The following ARF3 variants were observed in gnomAD, a reference collection of about 807,000 sequenced individuals.
The protein encoded by ARF3 is ARF GTPase 3.
In ARF3, 5 loss-of-function variants were observed where a neutral mutation model predicts 19.3. The observed-to-expected ratio is 0.26, with a 90% CI of 0.14 to 0.54. ARF3 has a LOEUF of 0.54. Among genes scored for constraint, ARF3 ranks in the 20% least tolerant of loss-of-function variants. The pLI, the probability that ARF3 is intolerant of heterozygous loss-of-function variation, is 0.95. For synonymous variants in ARF3, 71 were observed against 89.2 expected (o/e 0.80, Z 1.15); for missense variants, 77 against 234.2 (o/e 0.33, Z 4.38).
Position 48,938,668 on chromosome 12 carries a change from TGA to T in ARF3, c.*277_*278del, listed in dbSNP as rs35034955. 8.3e-4 allele frequency: 348 copies of T among 421,764 alleles called. 1 individual carries two copies. Among genetic ancestry groups the T allele is most frequent in the Non-Finnish European group, 1.2e-3 (267 of 221,868 alleles). 26.1% of individuals were successfully genotyped at this position (421,764 alleles called of 1,614,324 possible). ...ACTCGACCTCCCGAAACCCAGAGGG[TGA>T]GAGAGAGAGGGGCCACCCCATGAAA... is the stretch of plus-strand genomic sequence containing the variant. On this transcript the variant is annotated 3_prime_UTR_variant, in exon 5 of 5. Coordinates refer to ENST00000256682, the MANE Select transcript of ARF3 (RefSeq NM_001659.3).
At chr12:48,951,963 CAG>C (rs1565710681) in intron 1 of ARF3, among the ~76,000 whole-genome samples, 2 of 151,830 alleles carry the variant, frequency 1.3e-5, no homozygotes, top group East Asian at 1.9e-4. Flanking sequence ...AAGAAGCAAC[CAG>C]AGAGGCAGAA....
intron 1 of ARF3, among the ~76,000 whole-genome samples, chr12:48,949,613 G>A (rs1484138761): frequency 1.3e-5 from 2 of 152,042 alleles, no homozygotes; most frequent in Admixed American, 6.6e-5. Context: ...CATGATCATG[G>A]CTCACTGCAG....
At chr12:48,954,440 G>C (rs1384559523) in intron 1 of ARF3, among the ~76,000 whole-genome samples, 1 of 152,196 alleles carries the variant, frequency 6.6e-6, no homozygotes, top group African/African-American at 2.4e-5. Flanking sequence ...ATTATTAATA[G>C]CAGCTAACAG....
In ARF3 at chr12:48,939,820, AC is replaced by A. The variant is rs1940219164; in HGVS notation, c.260-42del. On this transcript the variant is annotated intron_variant, in intron 3 of 4. Coordinates refer to ENST00000256682, the MANE Select transcript of ARF3 (RefSeq NM_001659.3). The surrounding 1 kb of genome is among the most constrained non-coding windows in gnomAD (Gnocchi z 4.8). ...ATGGGCTGCACTAAGATGACAGGTA[AC>A]CCCCTCCCCCCAACCAAAAGACCAC... The A allele has an allele frequency of 6.2e-7, 1 of 1,611,564 alleles. No homozygotes were observed. The highest frequency in any genetic ancestry group is 8.5e-7 in the Non-Finnish European group (1 of 1,178,354).
rs772434603 is a variant in ARF3 at position 48,939,750 on chromosome 12, G to A, written c.289C>T (p.Arg97Trp). The A allele has an allele frequency of 1.2e-6, 2 of 1,614,118 alleles. No homozygotes were observed. The highest frequency in any genetic ancestry group is 8.5e-7 in the Non-Finnish European group (1 of 1,180,026). ...GLIFVVDSND[R>W]ERVNEAREEL... is the part of the protein sequence containing the mutation. ...TCCCGGGCCTCATTTACTCGCTCCCGATCATTGCTGTCGACCACAAATATC... is the reference window on the plus strand; with the variant it reads ...TCCCGGGCCTCATTTACTCGCTCCCAATCATTGCTGTCGACCACAAATATC... The change falls in exon 4 of 5, where the codon CGG (arginine) becomes TGG (tryptophan). Residue 97 changes from arginine (R) to tryptophan (W), a missense_variant. Coordinates refer to ENST00000256682, the MANE Select transcript of ARF3 (RefSeq NM_001659.3). This position sits in a 1 kb window ranked among gnomAD's most constrained non-coding sequence, Gnocchi z 4.8.
At chr12:48,941,338 T>G (rs1940253398) in intron 1 of ARF3, 150 bp from the exon 2 acceptor site, 1 of 430,592 alleles carries the variant, frequency 2.3e-6, no homozygotes, top group South Asian at 3.8e-5. Flanking sequence ...AGATACATAC[T>G]GAGTCTTTGG....
rs973934865 is a variant in ARF3, at chr12:48,938,369, G to A, written c.*578C>T. The A allele has an allele frequency of 1.3e-4, 57 of 454,202 alleles. No homozygotes were observed. Among genetic ancestry groups the A allele is most frequent in the East Asian group, 4.9e-4 (7 of 14,394 alleles). The allele number at this position is 454,202 out of a possible 1,614,324, so 28.1% of individuals were successfully genotyped here. A position where few individuals can be genotyped will look rare whatever the true frequency, so the allele number is the denominator to read the frequency against. ...TCTCACCAACACGGAAGGGGCAGATGACAGGCTCCAGTGGGCAGTGTCCTG... is the reference window on the plus strand; with the variant it reads ...TCTCACCAACACGGAAGGGGCAGATAACAGGCTCCAGTGGGCAGTGTCCTG... On this transcript the variant is annotated 3_prime_UTR_variant, in exon 5 of 5. Transcript: ENST00000256682.
intron 1 of ARF3, among the ~76,000 whole-genome samples, chr12:48,955,197 A>G (rs1213705532): frequency 6.6e-6 from 1 of 152,208 alleles, no homozygotes; most frequent in Non-Finnish European, 1.5e-5. Flanking sequence ...TTGTGCACTT[A>G]GTATTTCACT....
In ARF3 at chr12:48,938,492, G is replaced by A. The variant is rs1383640932; in HGVS notation, c.*455C>T. 7 of 444,340 alleles carry A rather than the reference G, an allele frequency of 1.6e-5. No homozygotes were observed. The highest frequency in any genetic ancestry group is 3.1e-5 in the South Asian group (2 of 63,506). The allele number at this position is 444,340 out of a possible 1,614,324, so 27.5% of individuals were successfully genotyped here. A position where few individuals can be genotyped will look rare whatever the true frequency, so the allele number is the denominator to read the frequency against. ...TGTATATACAGGCGCACACATGCACGCAAACACAGAGAGGCCCGTGCAATT... is the reference window on the plus strand; with the variant it reads ...TGTATATACAGGCGCACACATGCACACAAACACAGAGAGGCCCGTGCAATT... On this transcript the variant is annotated 3_prime_UTR_variant, in exon 5 of 5. Transcript: ENST00000256682.
At chr12:48,948,737 G>A (rs1592242587) in intron 1 of ARF3, among the ~76,000 whole-genome samples, 1 of 152,094 alleles carries the variant, frequency 6.6e-6, no homozygotes. Context: ...CTTGAACCCA[G>A]GAAGCAGGGG....
Position 48,941,165 on chromosome 12 carries a change from G to A in ARF3, c.-70C>T. On this transcript the variant is annotated 5_prime_UTR_variant, in exon 2 of 5. Coordinates refer to ENST00000256682, the MANE Select transcript of ARF3 (RefSeq NM_001659.3). ...GCAGTGGCAGTCTGGTTTTGGCCTG[G>A]TCCCTGGTATGGAAGACTTGATCCT... 6.6e-7 allele frequency: 1 copy of A among 1,505,614 alleles called. No individual in the cohort carries two copies. Among genetic ancestry groups the A allele is most frequent in the Non-Finnish European group, 9.0e-7 (1 of 1,113,120 alleles). 93.3% of individuals were successfully genotyped at this position (1,505,614 alleles called of 1,614,324 possible).
At chr12:48,940,890 G>C in intron 2 of ARF3, 58 bp downstream of exon 2, 1 of 1,490,220 alleles carries the variant, frequency 6.7e-7, no homozygotes, top group Non-Finnish European at 8.9e-7. Context: ...ACCAGGAATA[G>C]GTCCCTGCCC....
At position 48,940,535 on chromosome 12, in the gene ARF3, T is replaced by G. The variant is rs181325168; in HGVS notation, c.148+413A>C. Among the ~76,000 whole-genome samples the G allele has an allele frequency of 2.8e-4, 43 of 152,298 alleles. 1 individual carries two copies. In the East Asian group the frequency reaches 8.3e-3, roughly 29 times the overall value. Reference sequence around the variant, plus strand: ...CCCCAAAGGCAGAGCCAGCTGACAATGCTGACTGGAGCCCCCATCTACATA... The same window carrying G: ...CCCCAAAGGCAGAGCCAGCTGACAAGGCTGACTGGAGCCCCCATCTACATA... On this transcript the variant is annotated intron_variant, in intron 2 of 4. Transcript: ENST00000256682.
chr12:48,940,925 C>T, intron 2 of ARF3, 23 bp downstream of exon 2: 2 of 1,544,424 alleles, frequency 1.3e-6, no homozygotes, highest in Non-Finnish European at 1.8e-6. Flanking sequence ...GCGTGAAAGC[C>T]CACATCCAAG....
At chr12:48,955,429 A>G (rs1283684015) in intron 1 of ARF3, among the ~76,000 whole-genome samples, 1 of 152,216 alleles carries the variant, frequency 6.6e-6, no homozygotes, top group Admixed American at 6.5e-5. Context: ...GAAATCTGGG[A>G]CTGCAGATAA....
At chr12:48,951,152 C>T (rs910717211) in intron 1 of ARF3, among the ~76,000 whole-genome samples, 10 of 152,144 alleles carry the variant, frequency 6.6e-5, no homozygotes, top group Admixed American at 3.3e-4. Flanking sequence ...GTTTTAGACA[C>T]GTGTGTTTTC....
chr12:48,950,302 C>T (rs941204462), intron 1 of ARF3, among the ~76,000 whole-genome samples: 2 of 152,028 alleles, frequency 1.3e-5, no homozygotes, highest in Non-Finnish European at 2.9e-5. Context: ...CTCGAGCAAT[C>T]CTCCCACTTC....
chr12:48,943,329 G>A (rs1202661294), intron 1 of ARF3, among the ~76,000 whole-genome samples: 1 of 152,098 alleles, frequency 6.6e-6, no homozygotes, highest in African/African-American at 2.4e-5. Flanking sequence ...AATAAAATGA[G>A]GATTCAGAAT....
intron 2 of ARF3, 107 bp downstream of exon 2, chr12:48,940,841 T>C (rs867017771): frequency 8.2e-5 from 112 of 1,372,028 alleles, no homozygotes; most frequent in Middle Eastern, 5.5e-4. Context: ...CCCCACAAAT[T>C]GTATGGACTT....
Sources: gnomAD v4.1 joint callset for allele counts (sites outside exome capture counted in the v4.1 genomes callset) on GRCh38, gnomAD v4.1.1 for gene constraint, Gnocchi (gnomAD v3.1) non-coding constraint, MANE v1.5 for transcripts, NCBI Gene and HGNC (gene_info 2026-07-23, HGNC 2026-07-21) for gene names.